Variants in CDH12 observed in about 807,000 individuals in gnomAD.
CDH12 encodes cadherin 12.
A neutral mutation model predicts 74.1 loss-of-function variants in CDH12; 41 were observed. The observed-to-expected ratio is 0.55, with a 90% confidence interval of 0.43 to 0.72. The LOEUF is 0.72. Ranked by LOEUF, CDH12 falls within the 30% of genes least tolerant of loss-of-function variation. CDH12 has a pLI of 0.00. For synonymous variants in CDH12, 399 were observed against 355.0 expected (o/e 1.12, Z -1.39); for missense variants, 945 against 977.2 (o/e 0.97, Z 0.44).
intron 6 of CDH12, among the ~76,000 whole-genome samples, chr5:21,899,311 G>A (rs1044613289): frequency 1.3e-5 from 2 of 151,464 alleles, no homozygotes; most frequent in Non-Finnish European, 3.0e-5. Flanking sequence ...TGAAGGCAAG[G>A]GCAGTCTGAT....
At chr5:22,763,460 G>A (rs572535274) in intron 1 of CDH12, among the ~76,000 whole-genome samples, 2 of 151,940 alleles carry the variant, frequency 1.3e-5, no homozygotes, top group South Asian at 2.1e-4. Context: ...ACAAATGAAG[G>A]TCAACTCTGT....
At chr5:21,988,411 G>C (rs1169130467) in intron 5 of CDH12, among the ~76,000 whole-genome samples, 1 of 140,076 alleles carries the variant, frequency 7.1e-6, no homozygotes, top group Non-Finnish European at 1.5e-5. Flanking sequence ...AGAATGGCGT[G>C]AACCCAGGAG....
At chr5:22,009,939 C>CAAAAAAAAAAAAA (rs774589642) in intron 5 of CDH12, among the ~76,000 whole-genome samples, 25 of 54,154 alleles carry the variant, frequency 4.6e-4, no homozygotes, top group Admixed American at 6.5e-4. Flanking sequence ...GAAACTGTCT[C>CAAAAAAAAAAAAA]AAAAAAAAAA....
intron 5 of CDH12, among the ~76,000 whole-genome samples, chr5:21,982,187 C>G (rs1757334179): frequency 6.6e-6 from 1 of 152,062 alleles, no homozygotes; most frequent in South Asian, 2.1e-4. Flanking sequence ...ATGAATAGAT[C>G]AAAAAGCCAA....
intron 4 of CDH12, among the ~76,000 whole-genome samples, chr5:22,202,575 G>T (rs573061318): frequency 1.3e-5 from 2 of 152,234 alleles, no homozygotes; most frequent in South Asian, 4.1e-4. Context: ...GTTTGACTTT[G>T]ATTATCCAGC....
intron 1 of CDH12, among the ~76,000 whole-genome samples, chr5:22,569,509 G>C (rs1177355258): frequency 1.3e-5 from 2 of 152,114 alleles, no homozygotes; most frequent in South Asian, 4.1e-4. Context: ...CCAGTCTCAG[G>C]TATTTCTTTA....
chr5:21,841,998 T>G (rs1749886222), intron 8 of CDH12, among the ~76,000 whole-genome samples, 163 bp downstream of exon 8: 1 of 145,564 alleles, frequency 6.9e-6, no homozygotes, highest in Admixed American at 6.8e-5. Flanking sequence ...CCCTAAAACT[T>G]AAAGTATAAA....
intron 1 of CDH12, among the ~76,000 whole-genome samples, chr5:22,744,754 T>C (rs1312117840): frequency 6.6e-6 from 1 of 152,004 alleles, no homozygotes; most frequent in Non-Finnish European, 1.5e-5. Context: ...AATCTGGTAA[T>C]CAATTAAAAA....
At chr5:22,109,080 T>C (rs1303917221) in intron 4 of CDH12, among the ~76,000 whole-genome samples, 1 of 152,158 alleles carries the variant, frequency 6.6e-6, no homozygotes, top group African/African-American at 2.4e-5. Flanking sequence ...TACTACCTAC[T>C]TTATAAGGGG....
At chr5:21,829,872 T>C (rs1344087150) in intron 8 of CDH12, among the ~76,000 whole-genome samples, 1 of 152,066 alleles carries the variant, frequency 6.6e-6, no homozygotes, top group African/African-American at 2.4e-5. Flanking sequence ...TCTCCAAACC[T>C]CATTGATCAC....
At chr5:22,366,104 G>A (rs535047888) in intron 3 of CDH12, among the ~76,000 whole-genome samples, 9 of 151,870 alleles carry the variant, frequency 5.9e-5, no homozygotes, top group East Asian at 1.9e-4. Context: ...TATTACAGGC[G>A]CCCGCCACCA....
intron 4 of CDH12, among the ~76,000 whole-genome samples, chr5:22,170,511 A>T (rs1332524278): frequency 6.6e-6 from 1 of 151,548 alleles, no homozygotes; most frequent in African/African-American, 2.4e-5. Flanking sequence ...ACGTTCACTT[A>T]GAGAAATGGC....
At chr5:22,790,714 T>G (rs1349431878) in intron 1 of CDH12, among the ~76,000 whole-genome samples, 1 of 152,176 alleles carries the variant, frequency 6.6e-6, no homozygotes, top group Non-Finnish European at 1.5e-5. Context: ...AAAGCAAATG[T>G]ACCCAAACAT....
intron 9 of CDH12, among the ~76,000 whole-genome samples, chr5:21,803,321 A>G (rs1302143694): frequency 1.3e-5 from 2 of 152,066 alleles, no homozygotes; most frequent in African/African-American, 2.4e-5. Flanking sequence ...ACATAGTACT[A>G]ATTTAAAAAG....
chr5:22,296,884 T>C (rs942952647), intron 3 of CDH12, among the ~76,000 whole-genome samples: 4 of 152,182 alleles, frequency 2.6e-5, no homozygotes, highest in Non-Finnish European at 5.9e-5. Flanking sequence ...CATTAAAGCA[T>C]GAACACAGAA....
At chr5:22,334,213 TA>T (rs149870318) in intron 3 of CDH12, among the ~76,000 whole-genome samples, 1 of 151,390 alleles carries the variant, frequency 6.6e-6, no homozygotes, top group Middle Eastern at 3.4e-3. Context: ...GTAAGCAATC[TA>T]AAAAAAAGAA....
intron 1 of CDH12, among the ~76,000 whole-genome samples, chr5:22,528,352 A>G (rs1378004889): frequency 6.6e-6 from 1 of 152,062 alleles, no homozygotes; most frequent in Non-Finnish European, 1.5e-5. Context: ...TGGGGCCTCA[A>G]TGTCCTGAGC....
At chr5:22,409,194 G>T (rs759467085) in intron 2 of CDH12, among the ~76,000 whole-genome samples, 7 of 152,012 alleles carry the variant, frequency 4.6e-5, no homozygotes, top group African/African-American at 1.4e-4. Flanking sequence ...GATATTAAAG[G>T]CTTCCAAAAG....
intron 10 of CDH12, among the ~76,000 whole-genome samples, chr5:21,795,557 G>A (rs1387220744): frequency 6.6e-6 from 1 of 151,798 alleles, no homozygotes; most frequent in Non-Finnish European, 1.5e-5. Flanking sequence ...TATACTAATG[G>A]GAAGCAGAAG....
Sources: allele counts gnomAD v4.1 joint callset (sites outside exome capture counted in the v4.1 genomes callset), GRCh38; gene constraint gnomAD v4.1.1; transcripts MANE v1.5; gene names NCBI Gene and HGNC (gene_info 2026-07-23, HGNC 2026-07-21).